Variants in KIAA1671 observed in about 807,000 individuals in gnomAD.
The protein encoded by KIAA1671 is uncharacterized protein KIAA1671.
Under a neutral mutation model 131.2 loss-of-function variants are expected in KIAA1671, and 52 were observed. The observed-to-expected ratio is 0.40, with a 90% confidence interval of 0.32 to 0.50. The LOEUF (loss-of-function observed/expected upper bound fraction) is 0.50. KIAA1671 is among the 20% of genes least tolerant of loss of function. KIAA1671 has a pLI of 0.73. For missense variants in KIAA1671, 2,360 were observed against 2,364.2 expected (o/e 1.00, Z 0.04); for synonymous variants, 1,003 against 961.6 (o/e 1.04, Z -0.80).
At chr22:24,980,514 C>T (rs1201545981) in intron 1 of KIAA1671, among the ~76,000 whole-genome samples, 1 of 151,908 alleles carries the variant, frequency 6.6e-6, no homozygotes, top group African/African-American at 2.4e-5. Flanking sequence ...TCCTGATCCA[C>T]CCGCCTTGGC....
chr22:24,974,337 C>T (rs1018111444), intron 1 of KIAA1671, among the ~76,000 whole-genome samples: 6 of 152,040 alleles, frequency 3.9e-5, no homozygotes, highest in Admixed American at 1.3e-4. Flanking sequence ...GTTTGTTAAC[C>T]CATTAGGACA....
intron 4 of KIAA1671, among the ~76,000 whole-genome samples, chr22:25,034,019 C>T (rs1215403200): frequency 6.6e-6 from 1 of 151,894 alleles, no homozygotes; most frequent in East Asian, 1.9e-4. Flanking sequence ...ACATCTCCAT[C>T]CCAGGCAAAA....
At chr22:25,121,943 C>T (rs981168108) in intron 6 of KIAA1671, among the ~76,000 whole-genome samples, 14 of 152,170 alleles carry the variant, frequency 9.2e-5, no homozygotes, top group African/African-American at 3.4e-4. Flanking sequence ...AAGCCAGCTC[C>T]AGTATACGCA....
intron 6 of KIAA1671, among the ~76,000 whole-genome samples, chr22:25,139,848 T>C (rs1367015884): frequency 6.6e-6 from 1 of 152,026 alleles, no homozygotes; most frequent in African/African-American, 2.4e-5. Flanking sequence ...ATGCCAGAAG[T>C]GGGAACAGCA....
At chr22:25,018,904 A>G (rs1177193578) in intron 1 of KIAA1671, among the ~76,000 whole-genome samples, 1 of 152,106 alleles carries the variant, frequency 6.6e-6, no homozygotes, top group Non-Finnish European at 1.5e-5. Context: ...AGGGGGGTAT[A>G]CTCTTAGGAG....
intron 1 of KIAA1671, among the ~76,000 whole-genome samples, chr22:25,018,488 GACC>G (rs1207159051): frequency 6.6e-6 from 1 of 151,814 alleles, no homozygotes; most frequent in Non-Finnish European, 1.5e-5. Context: ...ATTGTTGTGT[GACC>G]ATCATCACCA....
intron 6 of KIAA1671, among the ~76,000 whole-genome samples, chr22:25,150,888 C>T (rs145669366): frequency 0.11 from 15,805 of 147,792 alleles, 908 homozygotes; most frequent in South Asian, 0.14. Flanking sequence ...GCTGGAGTGC[C>T]GTGGCGCAAT....
intron 6 of KIAA1671, among the ~76,000 whole-genome samples, chr22:25,166,795 G>C (rs1286901556): frequency 1.3e-5 from 2 of 152,068 alleles, no homozygotes; most frequent in African/African-American, 4.8e-5. Flanking sequence ...CACACAGCTG[G>C]GCAGAGCAGA....
At chr22:25,153,280 T>G (rs1035351545) in intron 6 of KIAA1671, among the ~76,000 whole-genome samples, 2 of 152,238 alleles carry the variant, frequency 1.3e-5, no homozygotes, top group Admixed American at 1.3e-4. Context: ...CTGCACCAAC[T>G]AGACCAGTAG....
rs1934770730 is a variant in KIAA1671 at position 25,194,759 on chromosome 22, C to T, written c.*2358C>T. The T allele has an allele frequency of 6.6e-6, 1 of 152,056 alleles. No homozygotes were observed. The highest frequency in any genetic ancestry group is 1.5e-5 in the Non-Finnish European group (1 of 68,026). 9.4% of individuals were successfully genotyped at this position (152,056 alleles called of 1,614,324 possible). On this transcript the variant is annotated 3_prime_UTR_variant, in exon 13 of 13. Transcript: ENST00000358431. The stretch of plus-strand genomic sequence containing the variant: ...TTATTTTTCTATAACCTTGTCTCCT[C>T]CAGCACCACAGGGAAGACAATCACA...
At chr22:25,085,739 G>A (rs150220243) in intron 6 of KIAA1671, among the ~76,000 whole-genome samples, 2,119 of 134,470 alleles carry the variant, frequency 0.016, 24 homozygotes, top group Non-Finnish European at 0.025. Context: ...TCCAATATAT[G>A]TTGAGTGAAG....
At chr22:24,957,700 G>A (rs1338080399) in intron 1 of KIAA1671, among the ~76,000 whole-genome samples, 1 of 111,420 alleles carries the variant, frequency 9.0e-6, no homozygotes, top group Non-Finnish European at 1.9e-5. Context: ...TTTTTGAGAC[G>A]GAGTTTTGCT....
chr22:24,960,105 C>G (rs913422411), intron 1 of KIAA1671, among the ~76,000 whole-genome samples: 1 of 151,282 alleles, frequency 6.6e-6, no homozygotes, highest in African/African-American at 2.4e-5. Flanking sequence ...GCACTGCAGC[C>G]TGGCGACAGA....
chr22:25,164,036 C>T (rs1391224191), intron 6 of KIAA1671, among the ~76,000 whole-genome samples: 1 of 152,218 alleles, frequency 6.6e-6, no homozygotes, highest in African/African-American at 2.4e-5. Context: ...CACTGAGGCA[C>T]TTGTCTTTGC....
chr22:24,987,206 T>C (rs1375954365), intron 1 of KIAA1671, among the ~76,000 whole-genome samples: 2 of 151,582 alleles, frequency 1.3e-5, no homozygotes, highest in Non-Finnish European at 2.9e-5. Context: ...AGTCTCGCCC[T>C]GTTGCCCAGG....
At chr22:25,074,945 C>T (rs1929027661) in intron 6 of KIAA1671, among the ~76,000 whole-genome samples, 1 of 152,146 alleles carries the variant, frequency 6.6e-6, no homozygotes, top group Non-Finnish European at 1.5e-5. Context: ...AACTATCATA[C>T]TATTTTACGT....
chr22:24,981,245 T>C (rs1923220999), intron 1 of KIAA1671, among the ~76,000 whole-genome samples: 1 of 152,100 alleles, frequency 6.6e-6, no homozygotes, highest in Non-Finnish European at 1.5e-5. Flanking sequence ...CCTGCTGTGT[T>C]TTCTGGAAAT....
intron 6 of KIAA1671, among the ~76,000 whole-genome samples, chr22:25,147,908 T>C (rs1296537251): frequency 1.3e-5 from 2 of 152,194 alleles, no homozygotes; most frequent in Non-Finnish European, 2.9e-5. Flanking sequence ...ACATTGACAC[T>C]TGGCATCTTG....
intron 1 of KIAA1671, among the ~76,000 whole-genome samples, chr22:24,979,592 G>T (rs965943127): frequency 1.3e-5 from 2 of 149,778 alleles, no homozygotes; most frequent in Non-Finnish European, 3.0e-5. Flanking sequence ...CTTGTGATCC[G>T]CCCGCCTCGG....
Sources: allele counts gnomAD v4.1 joint callset (sites outside exome capture counted in the v4.1 genomes callset), GRCh38; gene constraint gnomAD v4.1.1; transcripts MANE v1.5; gene names NCBI Gene and HGNC (gene_info 2026-07-23, HGNC 2026-07-21).